Variants in ETS2 observed in about 807,000 individuals in gnomAD.
ETS2 encodes ETS proto-oncogene 2, transcription factor, also known as protein C-ets-2.
In ETS2, 19 loss-of-function variants were observed where a neutral mutation model predicts 54.9. The observed-to-expected ratio is 0.35, with a 90% confidence interval of 0.24 to 0.51. The LOEUF (loss-of-function observed/expected upper bound fraction) is 0.51, where lower values mean the gene tolerates loss of function less well. Among genes scored for constraint, ETS2 ranks in the 20% least tolerant of loss-of-function variants. The pLI is 0.97. For synonymous variants in ETS2, 219 were observed against 229.3 expected (o/e 0.95, Z 0.41); for missense variants, 417 against 593.0 (o/e 0.70, Z 3.08).
At position 38,806,356 on chromosome 21, in the gene ETS2, G is replaced by A. The variant is rs1195227147; in HGVS notation, c.-1+236G>A. The A allele has an allele frequency of 3.1e-6, 3 of 980,332 alleles. No individual in the cohort carries two copies. The highest frequency in any genetic ancestry group is 3.6e-6 in the Non-Finnish European group (3 of 825,306). 60.7% of individuals were successfully genotyped at this position (980,332 alleles called of 1,614,324 possible). ...CGGGGCTGGCGGGGTCGGCCGGGGG[G>A]TTCCTGCGTGCTAGGGCCGCTGTCT... On this transcript the variant is annotated intron_variant, in intron 1 of 9. Coordinates refer to ENST00000360938, the MANE Select transcript of ETS2 (RefSeq NM_005239.6). The surrounding 1 kb of genome is among the most constrained non-coding windows in gnomAD (Gnocchi z 4.3).
At position 38,806,201 on chromosome 21, in the gene ETS2, CG is replaced by C. The variant is rs561560508; in HGVS notation, c.-1+87del. On this transcript the variant is annotated intron_variant, in intron 1 of 9. Transcript: ENST00000360938. The surrounding 1 kb of genome is among the most constrained non-coding windows in gnomAD (Gnocchi z 4.3). Reference sequence around the variant, plus strand: ...TCACCCGGGGCCTGGGCGGGGGTCGCGGGGGGCACTGACACGCAGATCTCGG... The same window carrying C: ...TCACCCGGGGCCTGGGCGGGGGTCGCGGGGGCACTGACACGCAGATCTCGG... The C allele has an allele frequency of 4.2e-4, 414 of 992,990 alleles. No individual in the cohort carries two copies. In the African/African-American group the frequency reaches 6.6e-3, roughly 16 times the overall value. 61.5% of individuals were successfully genotyped at this position (992,990 alleles called of 1,614,324 possible).
At position 38,818,578 on chromosome 21, in the gene ETS2, G is replaced by A; in HGVS notation, c.743G>A (p.Ser248Asn). ...MFPKSRLSSV[S>N]VTYCSVSQDF... is the part of the protein sequence containing the mutation. ...CCCAAGTCTCGGCTCAGCTCCGTCA[G>A]CGTCACCTACTGCTCTGTCAGTCAG... The change falls in exon 7 of 10, where the codon AGC becomes AAC. Residue 248 changes from serine to asparagine, a missense_variant. Around this residue, in one of 3 missense-constraint regions of ETS2, gnomAD observed 326 missense variants for 426.1 expected, o/e 0.76. Coordinates refer to ENST00000360938, the MANE Select transcript of ETS2 (RefSeq NM_005239.6). 2 of 1,614,154 alleles carry A rather than the reference G, an allele frequency of 1.2e-6. No homozygotes were observed. Among genetic ancestry groups the A allele is most frequent in the South Asian group, 1.1e-5 (1 of 91,076 alleles).
At chr21:38,810,192 AC>A in intron 2 of ETS2, 86 bp downstream of exon 2, 1 of 763,958 alleles carries the variant, frequency 1.3e-6, no homozygotes, top group Non-Finnish European at 2.1e-6. Flanking sequence ...GTCCCAGAAA[AC>A]TGGTTGTAGC....
chr21:38,811,905 C>T (rs1483802135), intron 2 of ETS2, among the ~76,000 whole-genome samples: 2 of 152,102 alleles, frequency 1.3e-5, no homozygotes, highest in African/African-American at 4.8e-5. Context: ...GGCGGGAGTA[C>T]AGTGGCTTGA....
rs74551083 is a variant in ETS2, at chr21:38,824,052, A to G, written c.*1163A>G. ...TTTTACTGCAAAAGTAATTCACTGG[A>G]AAAAAAATGTAATTTGTAAGAAAGC... On this transcript the variant is annotated 3_prime_UTR_variant, in exon 10 of 10. Transcript: ENST00000360938. The G allele has an allele frequency of 6.6e-6, 1 of 152,502 alleles. No individual in the cohort carries two copies. The highest frequency in any genetic ancestry group is 1.9e-4 in the East Asian group (1 of 5,194). 9.4% of individuals were successfully genotyped at this position (152,502 alleles called of 1,614,324 possible).
In ETS2 at chr21:38,806,856, C is replaced by G; in HGVS notation, c.-1+736C>G. 10 of 985,094 alleles carry G rather than the reference C, an allele frequency of 1.0e-5. No individual in the cohort carries two copies. The highest frequency in any genetic ancestry group is 1.2e-5 in the Non-Finnish European group (10 of 829,646). 61.0% of individuals were successfully genotyped at this position (985,094 alleles called of 1,614,324 possible). A position where few individuals can be genotyped will look rare whatever the true frequency, so the allele number is the denominator to read the frequency against. On this transcript the variant is annotated intron_variant, in intron 1 of 9. Coordinates refer to ENST00000360938, the MANE Select transcript of ETS2 (RefSeq NM_005239.6). This position sits in a 1 kb window ranked among gnomAD's most constrained non-coding sequence, Gnocchi z 4.3. Reference sequence around the variant, plus strand: ...GTGTTTGGGTTGCGTGTGTGTTATCCTATTTTATTTTTTACGGCAGGAGAC... The same window carrying G: ...GTGTTTGGGTTGCGTGTGTGTTATCGTATTTTATTTTTTACGGCAGGAGAC...
chr21:38,810,103 C>A lies in ETS2; in HGVS notation c.69C>A (p.Leu23=). ...APVANSYRGT[L]KRQPAFDTFD... ...TGGCTAACAGTTACAGAGGGACACTCAAGGTGAGTGGGCAAGTCTTAATTT... is the reference window on the plus strand; with the variant it reads ...TGGCTAACAGTTACAGAGGGACACTAAAGGTGAGTGGGCAAGTCTTAATTT... The change falls in exon 2 of 10, where the codon CTC becomes CTA. Residue 23 remains leucine (L), a synonymous_variant. Coordinates refer to ENST00000360938, the MANE Select transcript of ETS2 (RefSeq NM_005239.6). 6.6e-7 allele frequency: 1 copy of A among 1,521,742 alleles called. No homozygotes were observed. Among genetic ancestry groups the A allele is most frequent in the East Asian group, 2.5e-5 (1 of 39,804 alleles). 94.3% of individuals were successfully genotyped at this position (1,521,742 alleles called of 1,614,324 possible).
rs2060920121 is a variant in ETS2 at position 38,813,091 on chromosome 21, C to G, written c.161C>G (p.Thr54Arg). 1 of 1,612,220 alleles carries G rather than the reference C, an allele frequency of 6.2e-7. No homozygotes were observed. Among genetic ancestry groups the G allele is most frequent in the South Asian group, 1.1e-5 (1 of 91,054 alleles). Residue 54 changes from threonine to arginine, a missense_variant, in exon 3 of 10, where the codon ACA becomes AGA. Thr to Arg is a moderately conservative substitution (Grantham distance 71). Coordinates refer to ENST00000360938, the MANE Select transcript of ETS2 (RefSeq NM_005239.6). ...NEEQTLQEVPTGLDSISHDSA... is the reference protein window; with the variant it reads ...NEEQTLQEVPRGLDSISHDSA... The stretch of plus-strand genomic sequence containing the variant: ...GAGCAAACACTGCAAGAAGTGCCAA[C>G]AGGCTTGGATTCCATTTCTCATGGT...
chr21:38,810,228 T>A (rs1222106981), intron 2 of ETS2, 122 bp downstream of exon 2: 4 of 587,888 alleles, frequency 6.8e-6, no homozygotes, highest in Non-Finnish European at 1.2e-5. Context: ...TTATTGGCCA[T>A]GTGACTATAG....
At chr21:38,805,731 C>A, upstream of ETS2, 2 of 779,784 alleles carry the variant, frequency 2.6e-6, no homozygotes, top group East Asian at 7.9e-5. The surrounding 1 kb of genome is among the most constrained non-coding windows in gnomAD (Gnocchi z 5.2). Flanking sequence ...CCTCCTGCTG[C>A]CCCCTTCCCT....
At chr21:38,805,645 C>A (rs931312372), upstream of ETS2, 3 of 1,204,182 alleles carry the variant, frequency 2.5e-6, no homozygotes, top group African/African-American at 4.8e-5. This position sits in a 1 kb window ranked among gnomAD's most constrained non-coding sequence, Gnocchi z 5.2. Flanking sequence ...AGCCCCGCCC[C>A]GCGCTCCCTC....
chr21:38,808,254 A>G (rs889365240), intron 1 of ETS2, among the ~76,000 whole-genome samples: 2 of 152,186 alleles, frequency 1.3e-5, no homozygotes, highest in African/African-American at 4.8e-5. Flanking sequence ...ATGCAGGAAG[A>G]TTCAATTAGG....
rs934988606 is a variant in ETS2, at chr21:38,817,198, T to C, written c.589+107T>C. ...AAGGGGCCACCTAGACCTGTGTGTC[T>C]CTTATGGTGGCCACACGTGGGTGTT... is the stretch of plus-strand genomic sequence containing the variant. On this transcript the variant is annotated intron_variant, in intron 6 of 9. Transcript: ENST00000360938. 5.8e-6 allele frequency: 4 copies of C among 691,438 alleles called. No homozygotes were observed. In the Admixed American group the frequency reaches 9.7e-5, roughly 17 times the overall value. The allele number at this position is 691,438 out of a possible 1,614,324, so 42.8% of individuals were successfully genotyped here.
chr21:38,811,624 A>T (rs2123410387), intron 2 of ETS2, among the ~76,000 whole-genome samples: 1 of 152,348 alleles, frequency 6.6e-6, no homozygotes, highest in South Asian at 2.1e-4. Flanking sequence ...TTAGGCGATG[A>T]TGAATCCAGA....
intron 8 of ETS2, among the ~76,000 whole-genome samples, chr21:38,820,996 G>C (rs2060955755): frequency 6.6e-6 from 1 of 152,196 alleles, no homozygotes; most frequent in Admixed American, 6.5e-5. Context: ...TGGACGAGAA[G>C]CTCTTGGCAA....
In ETS2 at chr21:38,823,904, T is replaced by C. The variant is rs1051475; in HGVS notation, c.*1015T>C. The stretch of plus-strand genomic sequence containing the variant: ...GTGTTTCTCCGACAGCTCACCTCTC[T>C]CTGACCACCCAGCCATTTCCTTCCT... On this transcript the variant is annotated 3_prime_UTR_variant, in exon 10 of 10. Transcript: ENST00000360938. 0.34 allele frequency: 51,741 copies of C among 152,186 alleles called. 8,800 individuals carry two copies. Among genetic ancestry groups the C allele is most frequent in the Non-Finnish European group, 0.36 (24,249 of 67,868 alleles). 9.4% of individuals were successfully genotyped at this position (152,186 alleles called of 1,614,324 possible).
rs2060972729 is a variant in ETS2 at position 38,824,803 on chromosome 21, C to T, written c.*1914C>T. 1 of 152,586 alleles carries T rather than the reference C, an allele frequency of 6.6e-6. No homozygotes were observed. The highest frequency in any genetic ancestry group is 2.4e-5 in the African/African-American group (1 of 41,432). The allele number at this position is 152,586 out of a possible 1,614,324, so 9.5% of individuals were successfully genotyped here. A position where few individuals can be genotyped will look rare whatever the true frequency, so the allele number is the denominator to read the frequency against. Reference sequence around the variant, plus strand: ...TTGCCAATATTAGGCTGGCTTTTATCTACAAAGAAGGAGTTTCATGGGGTT... The same window carrying T: ...TTGCCAATATTAGGCTGGCTTTTATTTACAAAGAAGGAGTTTCATGGGGTT... On this transcript the variant is annotated 3_prime_UTR_variant, in exon 10 of 10. Coordinates refer to ENST00000360938, the MANE Select transcript of ETS2 (RefSeq NM_005239.6).
chr21:38,813,857 G>A (rs372554736), intron 3 of ETS2, among the ~76,000 whole-genome samples: 17 of 152,270 alleles, frequency 1.1e-4, no homozygotes, highest in East Asian at 7.7e-4. Flanking sequence ...TGCTAAGTGC[G>A]GCACATTCAT....
chr21:38,807,019 A>G (rs1391523018), intron 1 of ETS2, among the ~76,000 whole-genome samples: 1 of 152,188 alleles, frequency 6.6e-6, no homozygotes, highest in Non-Finnish European at 1.5e-5. Context: ...AAGAGATTAT[A>G]TTTGTTCCAT....
Sources: gnomAD v4.1 joint callset for allele counts (sites outside exome capture counted in the v4.1 genomes callset) on GRCh38, gnomAD v4.1.1 for gene constraint, gnomAD v4.1.1 regional missense constraint, Gnocchi (gnomAD v3.1) non-coding constraint, MANE v1.5 for transcripts, NCBI Gene and HGNC (gene_info 2026-07-23, HGNC 2026-07-21) for gene names.